The following TMEM117 variants were observed in gnomAD, a reference collection of about 807,000 sequenced individuals.
TMEM117 encodes the protein transmembrane protein 117.
In TMEM117, 27 loss-of-function variants were observed where a neutral mutation model predicts 52.4. That is an observed-to-expected ratio of 0.51 (90% CI 0.38 to 0.71). The LOEUF (loss-of-function observed/expected upper bound fraction) is 0.71, where lower values mean the gene tolerates loss of function less well. Among genes scored for constraint, TMEM117 ranks in the 30% least tolerant of loss-of-function variants. TMEM117 has a pLI of 0.00. For synonymous variants in TMEM117, 215 were observed against 206.3 expected, an observed-to-expected ratio of 1.04 and a Z score of -0.36; for missense variants, 556 against 630.5, an observed-to-expected ratio of 0.88 and a Z score of 1.26.
intron 3 of TMEM117, among the ~76,000 whole-genome samples, chr12:44,070,178 A>G (rs1386549560): frequency 6.6e-6 from 1 of 152,206 alleles, no homozygotes; most frequent in African/African-American, 2.4e-5. Context: ...GGCGTGAGCC[A>G]CCGCACCTGG....
At chr12:44,368,853 T>A (rs1726894) in intron 6 of TMEM117, among the ~76,000 whole-genome samples, 2 of 152,130 alleles carry the variant, frequency 1.3e-5, no homozygotes, top group Non-Finnish European at 2.9e-5. Flanking sequence ...TGGAGGAACA[T>A]GCATTTGAGT....
intron 5 of TMEM117, among the ~76,000 whole-genome samples, chr12:44,263,241 A>G (rs978266781): frequency 6.6e-6 from 1 of 152,178 alleles, no homozygotes; most frequent in African/African-American, 2.4e-5. Flanking sequence ...GTCAAAAAAC[A>G]TATGAAAAAA....
At chr12:44,265,182 A>G (rs181534851) in intron 5 of TMEM117, among the ~76,000 whole-genome samples, 57 of 152,264 alleles carry the variant, frequency 3.7e-4, no homozygotes, top group Admixed American at 5.2e-4. Context: ...AGAAGCCAGT[A>G]AAGGAAAGAG....
At chr12:44,359,472 T>G (rs954331136) in intron 6 of TMEM117, among the ~76,000 whole-genome samples, 15 of 152,206 alleles carry the variant, frequency 9.9e-5, no homozygotes, top group Non-Finnish European at 1.6e-4. Context: ...GTATTATGTA[T>G]TTTTCACTTA....
chr12:44,202,097 A>C (rs867882914), intron 4 of TMEM117, among the ~76,000 whole-genome samples: 2 of 152,140 alleles, frequency 1.3e-5, no homozygotes, highest in Middle Eastern at 6.8e-3. Flanking sequence ...GTTAATAGGA[A>C]AAATAATAAA....
At chr12:44,377,263 A>T (rs1391645081) in intron 7 of TMEM117, among the ~76,000 whole-genome samples, 1 of 152,168 alleles carries the variant, frequency 6.6e-6, no homozygotes, top group Non-Finnish European at 1.5e-5. Flanking sequence ...GTTTTTCACC[A>T]CATAGAACTC....
upstream of TMEM117, among the ~76,000 whole-genome samples, chr12:43,835,305 G>T (rs188333145): frequency 7.5e-4 from 114 of 152,290 alleles, no homozygotes; most frequent in African/African-American, 2.6e-3. Context: ...ATCATAGAAT[G>T]ACAGGCTCCG....
At chr12:44,394,795 T>C in the TMEM117 span, among the ~76,000 whole-genome samples, 11,965 of 152,208 alleles carry the variant, frequency 0.079, 656 homozygotes, top group African/African-American at 0.15. Context: ...TTTAGGATCT[T>C]CCAGCTGTAT....
chr12:44,177,113 A>G (rs534512076), intron 4 of TMEM117, among the ~76,000 whole-genome samples: 1 of 152,290 alleles, frequency 6.6e-6, no homozygotes, highest in East Asian at 1.9e-4. Flanking sequence ...GACATTTCTT[A>G]CTGGTTTCAT....
At chr12:44,221,645 TCA>T (rs1949789986) in intron 5 of TMEM117, among the ~76,000 whole-genome samples, 2 of 152,156 alleles carry the variant, frequency 1.3e-5, no homozygotes, top group South Asian at 4.1e-4. Context: ...TTCAGAGAAC[TCA>T]GTCTTATTTG....
intron 5 of TMEM117, among the ~76,000 whole-genome samples, chr12:44,269,564 C>G (rs1249588339): frequency 6.6e-6 from 1 of 151,892 alleles, no homozygotes. Context: ...TACCTCGTCT[C>G]CCTTCCTCAT....
At chr12:44,349,577 G>T (rs1484362398) in intron 6 of TMEM117, among the ~76,000 whole-genome samples, 1 of 151,890 alleles carries the variant, frequency 6.6e-6, no homozygotes, top group African/African-American at 2.4e-5. Context: ...GCTGATTGCT[G>T]GTCTGTGTCA....
chr12:44,305,519 A>T (rs1320897190), intron 6 of TMEM117, among the ~76,000 whole-genome samples: 1 of 152,130 alleles, frequency 6.6e-6, no homozygotes, highest in Non-Finnish European at 1.5e-5. Flanking sequence ...TTCTCAAAAA[A>T]AAAAAAGACA....
rs1181298026 is a variant in TMEM117, at chr12:44,034,527, A to T, written c.410+90185A>T. Among the ~76,000 whole-genome samples, 3 of 152,362 alleles carry T rather than the reference A, an allele frequency of 2.0e-5. No individual in the cohort carries two copies. The East Asian group carries it at 5.8e-4, about 29-fold the overall frequency. ...GTCCGTGGTGATTACTCCTAAAGTC[A>T]TGTTAGAATTCTGCAAATGCAGAAT... is the stretch of plus-strand genomic sequence containing the variant. On this transcript the variant is annotated intron_variant, in intron 3 of 7. Coordinates refer to ENST00000266534, the MANE Select transcript of TMEM117 (RefSeq NM_032256.3).
In TMEM117 at chr12:44,013,641, G is replaced by A. The variant is rs148036044; in HGVS notation, c.410+69299G>A. ...GGAGATAAGACTCACAGAAGGGTGA[G>A]GGTCCTCCGTGGCTGGGTTCCCTGG... On this transcript the variant is annotated intron_variant, in intron 3 of 7. Transcript: ENST00000266534. Among the ~76,000 whole-genome samples, 1,150 of 152,278 alleles carry A rather than the reference G, an allele frequency of 7.6e-3. 10 individuals carry two copies. The highest frequency in any genetic ancestry group is 0.026 in the African/African-American group (1,091 of 41,562).
intron 2 of TMEM117, among the ~76,000 whole-genome samples, chr12:43,929,742 T>G (rs1944841770): frequency 6.6e-6 from 1 of 152,214 alleles, no homozygotes; most frequent in African/African-American, 2.4e-5. Context: ...ATATATTATG[T>G]GCATATTTAA....
At chr12:43,949,429 G>C (rs1362211732) in intron 3 of TMEM117, among the ~76,000 whole-genome samples, 2 of 152,192 alleles carry the variant, frequency 1.3e-5, no homozygotes, top group Non-Finnish European at 2.9e-5. Context: ...CATGTGCAGT[G>C]TGTTTACTGA....
At chr12:43,813,157 A>C in the TMEM117 span, among the ~76,000 whole-genome samples, 689 of 148,926 alleles carry the variant, frequency 4.6e-3, 2 homozygotes, top group Non-Finnish European at 8.0e-3. Context: ...TTGCCTTCAT[A>C]GTCATACTCC....
chr12:44,223,113 C>T (rs1270841934), intron 5 of TMEM117, among the ~76,000 whole-genome samples: 2 of 147,086 alleles, frequency 1.4e-5, no homozygotes, highest in Non-Finnish European at 3.0e-5. Context: ...AAATTTGTGT[C>T]ATGGGGTTTG....
Sources: gnomAD v4.1 joint callset for allele counts (sites outside exome capture counted in the v4.1 genomes callset) on GRCh38, gnomAD v4.1.1 for gene constraint, MANE v1.5 for transcripts, NCBI Gene and HGNC (gene_info 2026-07-23, HGNC 2026-07-21) for gene names.